RPA3: variants seen among roughly 807,000 people sequenced by gnomAD.
The protein encoded by RPA3 is replication protein A3.
In RPA3, 24 loss-of-function variants were observed where a neutral mutation model predicts 13.7. The ratio of observed to expected loss-of-function variants is 1.75; its 90% CI spans 1.27 to 2.46. The LOEUF (loss-of-function observed/expected upper bound fraction) is 2.46, where lower values mean the gene tolerates loss of function less well. Among genes scored for constraint, RPA3 ranks in the 30% most tolerant of loss-of-function variants. The probability of loss-of-function intolerance (pLI) is 0.00; values close to 1 mark genes in which losing one functional copy is unlikely to be tolerated. For synonymous variants in RPA3, 59 were observed against 51.2 expected (o/e 1.15, Z -0.65); for missense variants, 183 against 151.0 (o/e 1.21, Z -1.11).
chr7:7,666,179 G>T (rs988229639), intron 4 of RPA3, among the ~76,000 whole-genome samples: 14 of 125,280 alleles, frequency 1.1e-4, no homozygotes, highest in African/African-American at 3.4e-4. Context: ...ACTTGGGAAA[G>T]TGTTTTTTGT....
At chr7:7,671,842 A>G (rs1474843071) in intron 4 of RPA3, among the ~76,000 whole-genome samples, 2 of 152,292 alleles carry the variant, frequency 1.3e-5, no homozygotes, top group East Asian at 3.9e-4. Flanking sequence ...TCCAGTAAGC[A>G]CTTTCTTTAA....
chr7:7,714,475 T>A (rs551199721), intron 2 of RPA3, among the ~76,000 whole-genome samples: 24 of 152,380 alleles, frequency 1.6e-4, no homozygotes, highest in Admixed American at 5.2e-4. Flanking sequence ...TACGAAACTT[T>A]GTTAAATGCT....
At chr7:7,704,859 A>C (rs1160521621) in intron 2 of RPA3, among the ~76,000 whole-genome samples, 2 of 151,704 alleles carry the variant, frequency 1.3e-5, no homozygotes, top group Non-Finnish European at 2.9e-5. Context: ...AAGGGTCATC[A>C]ATTGAAAAAA....
intron 4 of RPA3, among the ~76,000 whole-genome samples, chr7:7,671,196 T>C (rs1056229148): frequency 1.3e-5 from 2 of 152,262 alleles, no homozygotes; most frequent in African/African-American, 2.4e-5. Context: ...TACTTAACTT[T>C]AGTCAGCTTC....
chr7:7,697,805 C>T (rs183436704), intron 2 of RPA3, among the ~76,000 whole-genome samples: 10 of 152,210 alleles, frequency 6.6e-5, no homozygotes, highest in Admixed American at 3.9e-4. Context: ...GGTGCATGTA[C>T]TCTTGGGTAT....
At chr7:7,713,343 C>G (rs1276611024) in intron 2 of RPA3, among the ~76,000 whole-genome samples, 2 of 151,222 alleles carry the variant, frequency 1.3e-5, no homozygotes, top group Non-Finnish European at 2.9e-5. Flanking sequence ...GACTCCATCT[C>G]AAAACAAAAC....
Position 7,639,025 on chromosome 7 carries a change from G to C in RPA3, c.174+45C>G, listed in dbSNP as rs775854883. 1.9e-5 allele frequency: 27 copies of C among 1,391,580 alleles called. No individual in the cohort carries two copies. In the South Asian group the frequency reaches 3.7e-4, roughly 19 times the overall value. 86.2% of individuals were successfully genotyped at this position (1,391,580 alleles called of 1,614,324 possible). On this transcript the variant is annotated intron_variant, in intron 6 of 7. Coordinates refer to ENST00000223129, the MANE Select transcript of RPA3 (RefSeq NM_002947.5). ...CGGCAACAAACCAAATCAAGATGAA[G>C]AATTAACTATAATATATAAGAGACT...
intron 4 of RPA3, among the ~76,000 whole-genome samples, chr7:7,677,939 C>G (rs1779790455): frequency 6.6e-6 from 1 of 151,996 alleles, no homozygotes; most frequent in South Asian, 2.1e-4. Flanking sequence ...TCCCAAAGTG[C>G]TGGGATTACA....
chr7:7,667,028 C>T (rs1349964647), intron 4 of RPA3, among the ~76,000 whole-genome samples: 2 of 152,134 alleles, frequency 1.3e-5, no homozygotes, highest in Non-Finnish European at 2.9e-5. Context: ...GGCCAGGTCT[C>T]TAACTCCTAA....
intron 2 of RPA3, among the ~76,000 whole-genome samples, chr7:7,691,925 T>C (rs1405078005): frequency 1.3e-5 from 2 of 152,214 alleles, no homozygotes; most frequent in Non-Finnish European, 2.9e-5. Flanking sequence ...ATTAAAATAC[T>C]CATGCAAATG....
At chr7:7,680,517 C>T (rs1779883123) in intron 4 of RPA3, among the ~76,000 whole-genome samples, 2 of 151,960 alleles carry the variant, frequency 1.3e-5, no homozygotes, top group Admixed American at 6.6e-5. Context: ...GTTTTGGCTT[C>T]TCTGGGTCTT....
At position 7,709,832 on chromosome 7, in the gene RPA3, ACCTGTGT is replaced by A. The variant is rs1206452497; in HGVS notation, c.-1028+5336_-1028+5342del. Among the ~76,000 whole-genome samples the A allele has an allele frequency of 6.6e-5, 10 of 152,174 alleles. 1 individual carries two copies. Among genetic ancestry groups the A allele is most frequent in the African/African-American group, 2.4e-4 (10 of 41,506 alleles). ...TATTCAGAATGACAATGTGATGAAC[ACCTGTGT>A]ACCCACCAATTGGTTTAAGAAATAT... On this transcript the variant is annotated intron_variant, in intron 2 of 7. Transcript: ENST00000223129.
chr7:7,667,917 T>C (rs1563102684), intron 4 of RPA3, among the ~76,000 whole-genome samples: 1 of 152,120 alleles, frequency 6.6e-6, no homozygotes. Context: ...TTAACCTAGT[T>C]TTTCACTTCA....
At chr7:7,659,997 C>T (rs1785435077) in intron 4 of RPA3, among the ~76,000 whole-genome samples, 1 of 152,164 alleles carries the variant, frequency 6.6e-6, no homozygotes, top group South Asian at 2.1e-4. Flanking sequence ...GTATTGGAGG[C>T]ATATATATTT....
chr7:7,670,767 A>T (rs1237544209), intron 4 of RPA3, among the ~76,000 whole-genome samples: 1 of 152,234 alleles, frequency 6.6e-6, no homozygotes, highest in Non-Finnish European at 1.5e-5. Flanking sequence ...ACTGGTAAGC[A>T]TAATTGCCAA....
rs148163259 is a variant in RPA3, at chr7:7,706,408, C to T, written c.-1028+8767G>A. The stretch of plus-strand genomic sequence containing the variant: ...GAGAGAGAAGTTCAGGAAATACCAA[C>T]AGAGCATGGGAACTGTACTAGGTTC... On this transcript the variant is annotated intron_variant, in intron 2 of 7. Transcript: ENST00000223129. Among the ~76,000 whole-genome samples the T allele has an allele frequency of 2.0e-3, 301 of 152,270 alleles. 3 individuals carry two copies. The highest frequency in any genetic ancestry group is 7.0e-3 in the African/African-American group (291 of 41,554).
At chr7:7,679,720 A>T (rs933545891) in intron 4 of RPA3, among the ~76,000 whole-genome samples, 35 of 141,880 alleles carry the variant, frequency 2.5e-4, no homozygotes, top group Admixed American at 7.6e-4. Flanking sequence ...AAATATATAT[A>T]TATATATATA....
intron 2 of RPA3, among the ~76,000 whole-genome samples, chr7:7,693,941 C>T (rs1780241612): frequency 6.6e-6 from 1 of 152,120 alleles, no homozygotes; most frequent in Admixed American, 6.5e-5. Flanking sequence ...AGCTTTCCCT[C>T]TGAGGACTGA....
intron 2 of RPA3, among the ~76,000 whole-genome samples, chr7:7,689,066 A>T (rs1006980973): frequency 6.6e-6 from 1 of 152,090 alleles, no homozygotes; most frequent in African/African-American, 2.4e-5. Context: ...CTGCTTGACC[A>T]TGCGTTTTAG....
Sources: gnomAD v4.1 joint callset for allele counts (sites outside exome capture counted in the v4.1 genomes callset) on GRCh38, gnomAD v4.1.1 for gene constraint, MANE v1.5 for transcripts, NCBI Gene and HGNC (gene_info 2026-07-23, HGNC 2026-07-21) for gene names.